The following CNTN5 variants were observed in gnomAD, a reference collection of about 807,000 sequenced individuals.
The protein encoded by CNTN5 is contactin 5.
Under a neutral mutation model 129.1 loss-of-function variants are expected in CNTN5, and 77 were observed. The ratio of observed to expected loss-of-function variants is 0.60; its 90% confidence interval spans 0.50 to 0.72. The LOEUF (loss-of-function observed/expected upper bound fraction) is 0.72. Ranked by LOEUF, CNTN5 falls within the 30% of genes least tolerant of loss-of-function variation. The probability of loss-of-function intolerance (pLI) is 0.00; values close to 1 mark genes in which losing one functional copy is unlikely to be tolerated. For missense variants in CNTN5, 1,478 were observed against 1,328.8 expected (o/e 1.11, Z -1.75); for synonymous variants, 509 against 465.6 (o/e 1.09, Z -1.20).
At chr11:99,821,161 C>G (rs989826910) in intron 4 of CNTN5, among the ~76,000 whole-genome samples, 1 of 152,106 alleles carries the variant, frequency 6.6e-6, no homozygotes, top group South Asian at 2.1e-4. Flanking sequence ...ATCAAGTGAT[C>G]AGAACTGTGA....
intron 2 of CNTN5, among the ~76,000 whole-genome samples, chr11:99,391,905 A>T (rs1941281535): frequency 6.6e-6 from 1 of 152,000 alleles, no homozygotes; most frequent in African/African-American, 2.4e-5. Context: ...TCCCACCTGT[A>T]TACTGTCCCT....
intron 3 of CNTN5, among the ~76,000 whole-genome samples, chr11:99,614,411 G>A (rs969105158): frequency 3.3e-5 from 5 of 152,162 alleles, no homozygotes; most frequent in Admixed American, 2.0e-4. Context: ...CACCACGAGT[G>A]GAGGGATGGT....
chr11:99,690,642 T>A (rs1954003300), intron 3 of CNTN5, among the ~76,000 whole-genome samples: 1 of 152,252 alleles, frequency 6.6e-6, no homozygotes, highest in South Asian at 2.1e-4. Context: ...CATCTCTAAT[T>A]TCTCTGAGCA....
intron 6 of CNTN5, among the ~76,000 whole-genome samples, chr11:99,854,626 A>G (rs923137029): frequency 1.3e-5 from 2 of 152,210 alleles, no homozygotes; most frequent in African/African-American, 4.8e-5. Context: ...TACATAATCA[A>G]GTCACACAGA....
chr11:100,058,319 A>G (rs1392946676), intron 9 of CNTN5, among the ~76,000 whole-genome samples: 1 of 152,086 alleles, frequency 6.6e-6, no homozygotes, highest in African/African-American at 2.4e-5. Flanking sequence ...TTTCCCTACA[A>G]TTTAAGTTGA....
At chr11:99,510,125 C>T (rs1408896864) in intron 2 of CNTN5, among the ~76,000 whole-genome samples, 1 of 151,864 alleles carries the variant, frequency 6.6e-6, no homozygotes, top group Non-Finnish European at 1.5e-5. Flanking sequence ...ATATTTTAGC[C>T]TTTATAATTA....
chr11:99,719,878 C>T (rs149838698), intron 3 of CNTN5, among the ~76,000 whole-genome samples: 274 of 151,922 alleles, frequency 1.8e-3, no homozygotes, highest in Non-Finnish European at 3.4e-3. Flanking sequence ...ATAAAAGCAC[C>T]CATCAGAAAC....
At chr11:99,718,065 A>G (rs187208701) in intron 3 of CNTN5, among the ~76,000 whole-genome samples, 2 of 152,286 alleles carry the variant, frequency 1.3e-5, no homozygotes, top group East Asian at 1.9e-4. Context: ...GCTGAAGAAT[A>G]TCATATAACT....
In CNTN5 at chr11:99,845,098, A is replaced by G. The variant is rs1466497139; in HGVS notation, c.413A>G (p.Asn138Ser). Reference sequence around the variant, plus strand: ...GATTTTTTCCTAAGATGGCTTCGAAATGGAACAGAAATAGATCTGGAAAGT... The same window carrying G: ...GATTTTTTCCTAAGATGGCTTCGAAGTGGAACAGAAATAGATCTGGAAAGT... ...NPVPSYRWLR[N>S]GTEIDLESDY... Residue 138 changes from asparagine to serine, a missense_variant, in exon 6 of 25, where the codon AAT (asparagine) becomes AGT (serine). Physicochemically the swap from Asn to Ser is conservative, Grantham distance 46. Transcript: ENST00000524871. 6.2e-7 allele frequency: 1 copy of G among 1,613,392 alleles called. No individual in the cohort carries two copies. The highest frequency in any genetic ancestry group is 8.5e-7 in the Non-Finnish European group (1 of 1,179,642).
At chr11:99,114,436 C>G (rs1486485519) in intron 1 of CNTN5, among the ~76,000 whole-genome samples, 1 of 146,482 alleles carries the variant, frequency 6.8e-6, no homozygotes, top group Non-Finnish European at 1.5e-5. Flanking sequence ...TCCTCCTCCT[C>G]CCCCATCCCA....
At chr11:99,894,121 C>T (rs1432069027) in intron 6 of CNTN5, among the ~76,000 whole-genome samples, 1 of 152,066 alleles carries the variant, frequency 6.6e-6, no homozygotes, top group Non-Finnish European at 1.5e-5. Flanking sequence ...CTGTACTTAC[C>T]ATCTCCCGTT....
intron 16 of CNTN5, 30 bp from the exon 17 acceptor site, chr11:100,255,730 T>C (rs200599648): frequency 1.1e-4 from 174 of 1,600,416 alleles, no homozygotes; most frequent in Middle Eastern, 5.0e-4. Context: ...TAATTTGTGC[T>C]TAACTTTATC....
At chr11:99,379,569 C>T (rs1051962954) in intron 2 of CNTN5, among the ~76,000 whole-genome samples, 2 of 152,078 alleles carry the variant, frequency 1.3e-5, no homozygotes, top group Admixed American at 1.3e-4. Flanking sequence ...CTGCTATACC[C>T]GTATTACTAA....
intron 18 of CNTN5, among the ~76,000 whole-genome samples, chr11:100,288,346 C>A (rs1950853102): frequency 6.6e-6 from 1 of 151,948 alleles, no homozygotes; most frequent in Non-Finnish European, 1.5e-5. Context: ...GAAAATTGAC[C>A]ACATACTTGG....
At chr11:99,830,360 C>A (rs1591271835) in intron 4 of CNTN5, among the ~76,000 whole-genome samples, 1 of 152,126 alleles carries the variant, frequency 6.6e-6, no homozygotes, top group Non-Finnish European at 1.5e-5. Flanking sequence ...ATGATTCCTG[C>A]ATTTACAAAT....
chr11:100,042,219 TTC>T (rs199622266), intron 9 of CNTN5, among the ~76,000 whole-genome samples: 2 of 150,052 alleles, frequency 1.3e-5, no homozygotes, highest in African/African-American at 2.5e-5. Context: ...TTTAGTTTTG[TTC>T]TCTCTCTTTT....
chr11:99,516,647 A>G (rs1246165632), intron 2 of CNTN5, among the ~76,000 whole-genome samples: 1 of 152,082 alleles, frequency 6.6e-6, no homozygotes, highest in Non-Finnish European at 1.5e-5. Flanking sequence ...GGCTGTTGAT[A>G]TAGTTGTTAG....
At chr11:99,935,384 G>C (rs186647672) in intron 7 of CNTN5, among the ~76,000 whole-genome samples, 45 of 151,604 alleles carry the variant, frequency 3.0e-4, no homozygotes, top group African/African-American at 9.9e-4. Flanking sequence ...TTTTTTCACC[G>C]AGCATTATAT....
At chr11:100,120,436 A>G (rs971254016) in intron 13 of CNTN5, among the ~76,000 whole-genome samples, 35 of 151,906 alleles carry the variant, frequency 2.3e-4, no homozygotes, top group Admixed American at 2.1e-3. Flanking sequence ...TAATCAACCC[A>G]AAAAAGTTCA....
Sources: allele counts gnomAD v4.1 joint callset (sites outside exome capture counted in the v4.1 genomes callset), GRCh38; gene constraint gnomAD v4.1.1; transcripts MANE v1.5; gene names NCBI Gene and HGNC (gene_info 2026-07-23, HGNC 2026-07-21).